The following ATP5MC3 variants were observed in gnomAD, a reference collection of about 807,000 sequenced individuals.
ATP5MC3 encodes ATP synthase F(0) complex subunit C3, mitochondrial.
In ATP5MC3, 6 loss-of-function variants were observed where a neutral mutation model predicts 15.6. The ratio of observed to expected loss-of-function variants is 0.38; its 90% CI spans 0.21 to 0.76. The LOEUF (loss-of-function observed/expected upper bound fraction) is 0.76, where lower values mean the gene tolerates loss of function less well. Among genes scored for constraint, ATP5MC3 ranks in the 30% least tolerant of loss-of-function variants. The pLI, the probability that ATP5MC3 is intolerant of heterozygous loss-of-function variation, is 0.44. For missense variants in ATP5MC3, 132 were observed against 171.2 expected, an observed-to-expected ratio of 0.77 and a Z score of 1.28; for synonymous variants, 66 against 63.3, an observed-to-expected ratio of 1.04 and a Z score of -0.20.
In ATP5MC3 at chr2:175,178,193, C is replaced by T; in HGVS notation, c.*95G>A. 6.7e-7 allele frequency: 1 copy of T among 1,491,174 alleles called. No individual in the cohort carries two copies. The highest frequency in any genetic ancestry group is 8.9e-7 in the Non-Finnish European group (1 of 1,123,612). The allele number at this position is 1,491,174 out of a possible 1,614,324, so 92.4% of individuals were successfully genotyped here. On this transcript the variant is annotated 3_prime_UTR_variant, in exon 5 of 5. Transcript: ENST00000284727. ...TGACTTTGGAAATAACGTACATTCC[C>T]ATGACACCAATACTACAGTTTTCGG...
intron 2 of ATP5MC3, 45 bp from the exon 3 acceptor site, chr2:175,180,223 A>G (rs759712161): frequency 7.6e-6 from 11 of 1,446,018 alleles, no homozygotes; most frequent in Non-Finnish European, 9.3e-6. Flanking sequence ...AAGAAAGAAT[A>G]CAGGTAAGAC....
In ATP5MC3 at chr2:175,176,605, T is replaced by G. The variant is rs1352513558; in HGVS notation, c.*1683A>C. Reference sequence around the variant, plus strand: ...TCAGACCAGCTGTAATTCATCCAATTTTCATCATCCTAAAAGGAATCCCCA... The same window carrying G: ...TCAGACCAGCTGTAATTCATCCAATGTTCATCATCCTAAAAGGAATCCCCA... On this transcript the variant is annotated 3_prime_UTR_variant, in exon 5 of 5. Transcript: ENST00000284727. The G allele has an allele frequency of 6.6e-6, 1 of 152,178 alleles. No homozygotes were observed. The highest frequency in any genetic ancestry group is 1.5e-5 in the Non-Finnish European group (1 of 68,026). The allele number at this position is 152,178 out of a possible 1,614,324, so 9.4% of individuals were successfully genotyped here. A position where few individuals can be genotyped will look rare whatever the true frequency, so the allele number is the denominator to read the frequency against.
chr2:175,178,309 G>T lies in ATP5MC3; in HGVS notation c.408C>A (p.Phe136Leu). 1 of 1,609,856 alleles carries T rather than the reference G, an allele frequency of 6.2e-7. No homozygotes were observed. The highest frequency in any genetic ancestry group is 8.5e-7 in the Non-Finnish European group (1 of 1,178,888). Residue 136 changes from phenylalanine (F) to leucine (L), a missense_variant, in exon 5 of 5, where the codon TTC (phenylalanine) becomes TTA (leucine). By Grantham distance (22) the Phe-to-Leu change is conservative (BLOSUM62 0). Coordinates refer to ENST00000284727, the MANE Select transcript of ATP5MC3 (RefSeq NM_001689.5). ...AMGLFCLMVAFLILFAM is the reference protein window; with the variant it reads ...AMGLFCLMVALLILFAM ...TTTGTTACATGGCAAACAAAATCAAGAAAGCAACCATCAAACAAAAGAGAC... is the reference window on the plus strand; with the variant it reads ...TTTGTTACATGGCAAACAAAATCAATAAAGCAACCATCAAACAAAAGAGAC...
Position 175,176,981 on chromosome 2 carries a change from G to A in ATP5MC3, c.*1307C>T, listed in dbSNP as rs1320079120. ...GAATACCTATTTCCAATTCTTTTGG[G>A]TGATATAGACTAGATGATGAATCAA... On this transcript the variant is annotated 3_prime_UTR_variant, in exon 5 of 5. Coordinates refer to ENST00000284727, the MANE Select transcript of ATP5MC3 (RefSeq NM_001689.5). The A allele has an allele frequency of 6.6e-6, 1 of 152,058 alleles. No individual in the cohort carries two copies. Among genetic ancestry groups the A allele is most frequent in the African/African-American group, 2.4e-5 (1 of 41,400 alleles). 9.4% of individuals were successfully genotyped at this position (152,058 alleles called of 1,614,324 possible).
At chr2:175,179,487 G>C (rs1478603062) in intron 3 of ATP5MC3, among the ~76,000 whole-genome samples, 1 of 152,048 alleles carries the variant, frequency 6.6e-6, no homozygotes, top group Admixed American at 6.5e-5. Context: ...AAATAAAGTA[G>C]GGTTTTTTGT....
chr2:175,180,187 GAA>G lies in ATP5MC3; in HGVS notation c.40-11_40-10del. The G allele has an allele frequency of 1.3e-6, 2 of 1,534,196 alleles. No homozygotes were observed. Among genetic ancestry groups the G allele is most frequent in the South Asian group, 1.3e-5 (1 of 79,130 alleles). Reference sequence around the variant, plus strand: ...CTGGATCCAGCTCGGATCTATTAATGAAAAAAAAATAAAGATTTCAATATTAA... The same window carrying G: ...CTGGATCCAGCTCGGATCTATTAATGAAAAAAATAAAGATTTCAATATTAA... On this transcript the variant is annotated splice_polypyrimidine_tract_variant and intron_variant, in intron 2 of 4. Coordinates refer to ENST00000284727, the MANE Select transcript of ATP5MC3 (RefSeq NM_001689.5).
Position 175,178,323 on chromosome 2 carries a change from A to C in ATP5MC3, c.394T>G (p.Leu132Val). The change falls in exon 5 of 5, where the codon TTG becomes GTG. Residue 132 changes from leucine (L) to valine (V), a missense_variant. Leu to Val is a conservative substitution (Grantham distance 32). Transcript: ENST00000284727. ...AACAAAATCAAGAAAGCAACCATCA[A>C]ACAAAAGAGACCCATAGCTTCAGAC... ...ALSEAMGLFC[L>V]MVAFLILFAM 6.2e-7 allele frequency: 1 copy of C among 1,611,518 alleles called. No homozygotes were observed. Among genetic ancestry groups the C allele is most frequent in the Non-Finnish European group, 8.5e-7 (1 of 1,179,314 alleles).
In ATP5MC3 at chr2:175,179,259, CAG is replaced by C. The variant is rs1700733870; in HGVS notation, c.121-11_121-10del. On this transcript the variant is annotated splice_polypyrimidine_tract_variant and intron_variant, in intron 3 of 4. Coordinates refer to ENST00000284727, the MANE Select transcript of ATP5MC3 (RefSeq NM_001689.5). ...TTAAATACCGTAGAGCCCTGGAAAA[CAG>C]AAAATAAAGGTAAAGGTCGTATCAG... 3 of 1,598,474 alleles carry C rather than the reference CAG, an allele frequency of 1.9e-6. No homozygotes were observed. Among genetic ancestry groups the C allele is most frequent in the Admixed American group, 1.7e-5 (1 of 59,124 alleles).
intron 4 of ATP5MC3, 173 bp downstream of exon 4, chr2:175,178,884 A>AT: frequency 8.2e-7 from 1 of 1,213,826 alleles, no homozygotes; most frequent in South Asian, 1.9e-5. Flanking sequence ...TGTTATTCTC[A>AT]TAACACCCCA....
At position 175,178,209 on chromosome 2, in the gene ATP5MC3, C is replaced by T; in HGVS notation, c.*79G>A. 6.5e-7 allele frequency: 1 copy of T among 1,532,186 alleles called. No individual in the cohort carries two copies. Among genetic ancestry groups the T allele is most frequent in the Non-Finnish European group, 8.7e-7 (1 of 1,145,930 alleles). 94.9% of individuals were successfully genotyped at this position (1,532,186 alleles called of 1,614,324 possible). A position where few individuals can be genotyped will look rare whatever the true frequency, so the allele number is the denominator to read the frequency against. Reference sequence around the variant, plus strand: ...GTACATTCCCATGACACCAATACTACAGTTTTCGGAGTCACAGTAAGATAC... The same window carrying T: ...GTACATTCCCATGACACCAATACTATAGTTTTCGGAGTCACAGTAAGATAC... On this transcript the variant is annotated 3_prime_UTR_variant, in exon 5 of 5. Transcript: ENST00000284727.
intron 4 of ATP5MC3, 170 bp downstream of exon 4, chr2:175,178,887 A>G (rs1700726416): frequency 8.2e-7 from 1 of 1,224,524 alleles, no homozygotes; most frequent in Non-Finnish European, 1.1e-6. Context: ...TATTCTCATA[A>G]CACCCCAAAT....
At chr2:175,178,731 C>G in intron 4 of ATP5MC3, 1 of 1,160,042 alleles carries the variant, frequency 8.6e-7, no homozygotes, top group Non-Finnish European at 1.1e-6. Context: ...AAGGAATGTG[C>G]TCTAATAATT....
intron 2 of ATP5MC3, among the ~76,000 whole-genome samples, chr2:175,180,862 AG>A (rs1389214205): frequency 6.6e-6 from 1 of 152,208 alleles, no homozygotes; most frequent in African/African-American, 2.4e-5. Context: ...CTCCAGAGGC[AG>A]GAAGAAAGAC....
intron 2 of ATP5MC3, 87 bp from the exon 3 acceptor site, chr2:175,180,265 A>G: frequency 2.0e-6 from 2 of 1,010,356 alleles, no homozygotes; most frequent in Non-Finnish European, 2.7e-6. Context: ...ATGAATTCTA[A>G]AAAAGCAAGC....
intron 2 of ATP5MC3, 96 bp from the exon 3 acceptor site, chr2:175,180,274 G>A (rs1202772665): frequency 1.8e-5 from 17 of 927,372 alleles, no homozygotes; most frequent in Non-Finnish European, 2.6e-5. Context: ...AAAAAAGCAA[G>A]CAGTAAAAAT....
In ATP5MC3 at chr2:175,180,197, T is replaced by TA. The variant is rs576390385; in HGVS notation, c.40-20dup. 3,505 of 1,538,350 alleles carry TA rather than the reference T, an allele frequency of 2.3e-3. 3 individuals carry two copies. The highest frequency in any genetic ancestry group is 2.8e-3 in the Non-Finnish European group (3,192 of 1,147,970). On this transcript the variant is annotated intron_variant, in intron 2 of 4. Coordinates refer to ENST00000284727, the MANE Select transcript of ATP5MC3 (RefSeq NM_001689.5). Reference sequence around the variant, plus strand: ...CTCGGATCTATTAATGAAAAAAAAATAAAGATTTCAATATTAAGAAAGAAT... The same window carrying TA: ...CTCGGATCTATTAATGAAAAAAAAATAAAAGATTTCAATATTAAGAAAGAAT...
In ATP5MC3 at chr2:175,181,434, AC is replaced by A; in HGVS notation, c.-42del. 6.2e-7 allele frequency: 1 copy of A among 1,611,698 alleles called. No individual in the cohort carries two copies. The highest frequency in any genetic ancestry group is 8.5e-7 in the Non-Finnish European group (1 of 1,178,970). ...ACTGCGCGGCTGGAGATATTGGGTGACAGGCGACGTGGGCTCCTCTCCCGCT... is the reference window on the plus strand; with the variant it reads ...ACTGCGCGGCTGGAGATATTGGGTGAAGGCGACGTGGGCTCCTCTCCCGCT... On this transcript the variant is annotated 5_prime_UTR_variant, in exon 2 of 5. Coordinates refer to ENST00000284727, the MANE Select transcript of ATP5MC3 (RefSeq NM_001689.5).
At chr2:175,178,954 GAC>G (rs1215006630) in intron 4 of ATP5MC3, 101 bp downstream of exon 4, 1 of 1,484,082 alleles carries the variant, frequency 6.7e-7, no homozygotes, top group Non-Finnish European at 9.0e-7. Flanking sequence ...TATAATGCAA[GAC>G]ACAGAGTAAG....
chr2:175,180,241 A>C, intron 2 of ATP5MC3, 63 bp from the exon 3 acceptor site: 1 of 1,258,384 alleles, frequency 7.9e-7, no homozygotes, highest in Non-Finnish European at 1.1e-6. Context: ...GACTTCAATG[A>C]CTTTTCTGGT....
Sources: allele counts gnomAD v4.1 joint callset (sites outside exome capture counted in the v4.1 genomes callset), GRCh38; gene constraint gnomAD v4.1.1; transcripts MANE v1.5; gene names NCBI Gene and HGNC (gene_info 2026-07-23, HGNC 2026-07-21).